The following TEX14 variants were observed in gnomAD, a reference collection of about 807,000 sequenced individuals.
TEX14 encodes the protein testis expressed 14, intercellular bridge forming factor.
TEX14 carries 168 observed loss-of-function variants against 178.6 expected under a neutral mutation model. That is an observed-to-expected ratio of 0.94 (90% CI 0.83 to 1.07). The LOEUF is 1.07. TEX14 is among the 50% of genes least tolerant of loss of function. The pLI is 0.00. For synonymous variants in TEX14, 626 were observed against 634.1 expected (o/e 0.99, Z 0.19); for missense variants, 1,730 against 1,753.6 (o/e 0.99, Z 0.24).
intron 2 of TEX14, among the ~76,000 whole-genome samples, chr17:58,640,968 C>T (rs1445216971): frequency 6.6e-6 from 1 of 152,098 alleles, no homozygotes; most frequent in African/African-American, 2.4e-5. Context: ...GATCCACCAG[C>T]CTCAACCTCC....
rs1364816373 is a variant in TEX14 at position 58,593,628 on chromosome 17, T to C, written c.2503A>G (p.Thr835Ala). Reference protein sequence around the residue: ...PTLCDPGKQNTDEQFQCTQGA... With the variant: ...PTLCDPGKQNADEQFQCTQGA... Reference sequence around the variant, plus strand: ...TGAGTGCACTGAAATTGTTCATCTGTGTTCTGTTTTCCAGGGTCACAAAGA... The same window carrying C: ...TGAGTGCACTGAAATTGTTCATCTGCGTTCTGTTTTCCAGGGTCACAAAGA... Residue 835 changes from threonine to alanine, a missense_variant, in exon 15 of 32, where the codon ACA (threonine) becomes GCA (alanine). This residue lies in a region of TEX14 where 941 missense variants were observed against 1,072.4 expected (regional missense o/e 0.88). Coordinates refer to ENST00000349033, the MANE Select transcript of TEX14 (RefSeq NM_031272.5). The C allele has an allele frequency of 6.2e-7, 1 of 1,614,058 alleles. No homozygotes were observed. The highest frequency in any genetic ancestry group is 1.3e-5 in the African/African-American group (1 of 74,936).
At chr17:58,561,413 C>T (rs909628010) in intron 29 of TEX14, 107 bp downstream of exon 29, 2 of 796,106 alleles carry the variant, frequency 2.5e-6, no homozygotes, top group Non-Finnish European at 4.3e-6. Context: ...GCTGGCTTAT[C>T]TAAATCAATG....
chr17:58,624,374 CTT>C (rs1308860187), intron 3 of TEX14, among the ~76,000 whole-genome samples: 11 of 125,098 alleles, frequency 8.8e-5, no homozygotes, highest in Admixed American at 1.8e-4. Flanking sequence ...GAGTTTTGCT[CTT>C]GTCACCCAGG....
chr17:58,585,236 A>C (rs1419941289), intron 18 of TEX14, among the ~76,000 whole-genome samples: 1 of 152,124 alleles, frequency 6.6e-6, no homozygotes, highest in African/African-American at 2.4e-5. Context: ...TGATTATTTT[A>C]CTTCCTTTGG....
chr17:58,590,108 A>T (rs1232282630), intron 15 of TEX14, among the ~76,000 whole-genome samples: 2 of 151,974 alleles, frequency 1.3e-5, no homozygotes. Flanking sequence ...TAAAAATACA[A>T]AAATTAGCCG....
intron 1 of TEX14, among the ~76,000 whole-genome samples, chr17:58,681,096 AC>A (rs1275561245): frequency 1.3e-5 from 2 of 152,078 alleles, no homozygotes; most frequent in African/African-American, 4.8e-5. Flanking sequence ...AGCCTGGCCA[AC>A]ATGGCGAAAC....
chr17:58,572,849 A>C (rs2044570915), intron 23 of TEX14, among the ~76,000 whole-genome samples: 1 of 152,204 alleles, frequency 6.6e-6, no homozygotes, highest in Non-Finnish European at 1.5e-5. Context: ...GAACTATATA[A>C]AGTTTAAGCA....
At chr17:58,583,528 G>A (rs1291529550) in intron 19 of TEX14, among the ~76,000 whole-genome samples, 2 of 152,152 alleles carry the variant, frequency 1.3e-5, no homozygotes. Context: ...GCCTCCCAAT[G>A]TACTGGAATT....
At chr17:58,610,058 T>C (rs2045708289) in intron 10 of TEX14, among the ~76,000 whole-genome samples, 1 of 152,092 alleles carries the variant, frequency 6.6e-6, no homozygotes, top group Non-Finnish European at 1.5e-5. Flanking sequence ...TGGATGGCAG[T>C]AAGGAAGCGC....
intron 10 of TEX14, among the ~76,000 whole-genome samples, chr17:58,609,007 A>T (rs2045681754): frequency 6.6e-6 from 1 of 152,258 alleles, no homozygotes; most frequent in Admixed American, 6.5e-5. Flanking sequence ...CAGATTAAAA[A>T]TGGACCAGAT....
At chr17:58,594,599 C>T (rs1250947975) in intron 14 of TEX14, among the ~76,000 whole-genome samples, 1 of 152,070 alleles carries the variant, frequency 6.6e-6, no homozygotes, top group African/African-American at 2.4e-5. Context: ...ATGATCCACC[C>T]TCCTTGACCT....
intron 21 of TEX14, among the ~76,000 whole-genome samples, chr17:58,577,072 T>C (rs1311500879): frequency 1.3e-5 from 2 of 152,228 alleles, no homozygotes; most frequent in African/African-American, 4.8e-5. Context: ...AAGTTCCTAT[T>C]GTCAACATTC....
chr17:58,611,301 C>A lies in TEX14; in HGVS notation c.1044G>T (p.Val348=), dbSNP rs746171934. ...CATCAGATATCTGGAGCAGCAGGTG[C>A]ACAATCACCTCCATGTGCAGCACTG... The part of the protein sequence containing the change: ...QFPVLHMEVI[V]HLLLQISDAL... The change falls in exon 10 of 32, where the codon GTG becomes GTT. Residue 348 remains valine, a synonymous_variant. Coordinates refer to ENST00000349033, the MANE Select transcript of TEX14 (RefSeq NM_031272.5). 1.9e-6 allele frequency: 3 copies of A among 1,613,278 alleles called. No homozygotes were observed. Among genetic ancestry groups the A allele is most frequent in the Non-Finnish European group, 2.5e-6 (3 of 1,179,510 alleles).
At position 58,657,501 on chromosome 17, in the gene TEX14, GCTT is replaced by G. The variant is rs1364753335; in HGVS notation, c.-1-5502_-1-5500del. 3.6e-4 allele frequency among the ~76,000 whole-genome samples: 35 copies of G among 98,502 alleles called. 1 individual carries two copies. The highest frequency in any genetic ancestry group is 1.3e-3 in the African/African-American group (33 of 24,674). 64.6% of individuals were successfully genotyped at this position (98,502 alleles called of 152,430 possible). A position where few individuals can be genotyped will look rare whatever the true frequency, so the allele number is the denominator to read the frequency against. ...ATTTTGTCTGGGCAATACGGGAAATGCTTTTTTTTTTTTTTTTTTTTTTTTTTT... is the reference window on the plus strand; with the variant it reads ...ATTTTGTCTGGGCAATACGGGAAATGTTTTTTTTTTTTTTTTTTTTTTTTT... On this transcript the variant is annotated intron_variant, in intron 1 of 31. Transcript: ENST00000349033.
intron 1 of TEX14, among the ~76,000 whole-genome samples, chr17:58,652,238 T>C (rs964484581): frequency 2.6e-5 from 4 of 152,108 alleles, no homozygotes; most frequent in African/African-American, 7.2e-5. Flanking sequence ...AAAAAATATA[T>C]ATATTTGAAT....
chr17:58,610,388 T>C (rs2045715629), intron 10 of TEX14, among the ~76,000 whole-genome samples: 1 of 152,166 alleles, frequency 6.6e-6, no homozygotes, highest in Admixed American at 6.5e-5. Context: ...GGCAGTAACA[T>C]ACCCATTTCA....
Position 58,621,661 on chromosome 17 carries a change from GC to G in TEX14, c.542del (p.Gly181AlafsTer44), listed in dbSNP as rs774722506. 1 of 1,613,494 alleles carries G rather than the reference GC, an allele frequency of 6.2e-7. No homozygotes were observed. The highest frequency in any genetic ancestry group is 8.5e-7 in the Non-Finnish European group (1 of 1,179,748). On this transcript the variant is annotated frameshift_variant, in exon 5 of 32. Transcript: ENST00000349033. LOFTEE classifies it high-confidence loss of function. Reference sequence around the variant, plus strand: ...AAGGCAGTACTCACCCCTGCACGAGGCCCCCACACCAGGACGGGCTGTAGAC... The same window carrying G: ...AAGGCAGTACTCACCCCTGCACGAGGCCCCACACCAGGACGGGCTGTAGAC... ...RLVYSPSWCG[G>X]LVQGNPNGSP...
At chr17:58,586,213 C>T (rs1426243659) in intron 17 of TEX14, 131 bp from the exon 18 acceptor site, 2 of 1,020,474 alleles carry the variant, frequency 2.0e-6, no homozygotes, top group Non-Finnish European at 2.8e-6. Context: ...TTGCATCATC[C>T]TTAGCTTGCC....
intron 2 of TEX14, among the ~76,000 whole-genome samples, chr17:58,639,822 G>T (rs1463936534): frequency 1.3e-5 from 2 of 152,184 alleles, no homozygotes; most frequent in South Asian, 2.1e-4. Flanking sequence ...GAACGCTAGG[G>T]TCAGGTCACC....
Sources: allele counts gnomAD v4.1 joint callset (sites outside exome capture counted in the v4.1 genomes callset), GRCh38; gene constraint gnomAD v4.1.1; regional missense constraint gnomAD v4.1.1; transcripts MANE v1.5; gene names NCBI Gene and HGNC (gene_info 2026-07-23, HGNC 2026-07-21).